Variants in STK32B observed in about 807,000 individuals in gnomAD.
STK32B encodes serine/threonine-protein kinase 32B.
STK32B carries 43 observed loss-of-function variants against 52.6 expected under a neutral mutation model. The observed-to-expected ratio is 0.82, with a 90% confidence interval of 0.64 to 1.05. The LOEUF (loss-of-function observed/expected upper bound fraction) is 1.05, where lower values mean the gene tolerates loss of function less well. Ranked by LOEUF, STK32B falls within the 50% of genes least tolerant of loss-of-function variation. The pLI is 0.00. For missense variants in STK32B, 621 were observed against 534.6 expected (o/e 1.16, Z -1.59); for synonymous variants, 238 against 204.3 (o/e 1.17, Z -1.41).
chr4:5,378,624 A>G lies in STK32B; in HGVS notation c.435-19583A>G, dbSNP rs1735730948. ...CCCTTTTTTTCTAATTTTTATGGGTACATAGTAGGTGTGTATATGTATGGG... is the reference window on the plus strand; with the variant it reads ...CCCTTTTTTTCTAATTTTTATGGGTGCATAGTAGGTGTGTATATGTATGGG... On this transcript the variant is annotated intron_variant, in intron 4 of 11. Coordinates refer to ENST00000282908, the MANE Select transcript of STK32B (RefSeq NM_018401.3). This position sits in a 1 kb window ranked among gnomAD's most constrained non-coding sequence, Gnocchi z 4.4. Among the ~76,000 whole-genome samples, 1 of 151,968 alleles carries G rather than the reference A, an allele frequency of 6.6e-6. No individual in the cohort carries two copies. Among genetic ancestry groups the G allele is most frequent in the Non-Finnish European group, 1.5e-5 (1 of 67,998 alleles).
At chr4:5,436,614 A>C in intron 6 of STK32B, 27 of 985,426 alleles carry the variant, frequency 2.7e-5, no homozygotes, top group Non-Finnish European at 3.3e-5. Context: ...AGGGAAAACA[A>C]GCATCAGAAC....
chr4:5,265,148 C>T (rs1047354142), intron 3 of STK32B, among the ~76,000 whole-genome samples: 8 of 152,134 alleles, frequency 5.3e-5, no homozygotes, highest in African/African-American at 1.4e-4. Flanking sequence ...ATCAGTTGTT[C>T]CAGTCCTAAA....
chr4:5,482,083 C>CAT lies in STK32B; in HGVS notation c.1106+14016_1106+14017dup, dbSNP rs1718762732. On this transcript the variant is annotated intron_variant, in intron 11 of 11. Coordinates refer to ENST00000282908, the MANE Select transcript of STK32B (RefSeq NM_018401.3). ...GGCAATGTGGGCTCTATTTTGGTTC[C>CAT]ATATGAACTTTAAAGTAGTTTTTTC... is the stretch of plus-strand genomic sequence containing the variant. Among the ~76,000 whole-genome samples, 5 of 152,216 alleles carry CAT rather than the reference C, an allele frequency of 3.3e-5. No homozygotes were observed. In the South Asian group the frequency reaches 1.0e-3, roughly 32 times the overall value.
At chr4:5,312,748 C>A (rs1046259308) in intron 3 of STK32B, among the ~76,000 whole-genome samples, 12 of 150,020 alleles carry the variant, frequency 8.0e-5, no homozygotes, top group South Asian at 2.1e-4. Flanking sequence ...AATAAACATA[C>A]GTGTGCATGT....
intron 3 of STK32B, among the ~76,000 whole-genome samples, chr4:5,297,604 CTG>C (rs1239457458): frequency 2.7e-5 from 4 of 147,284 alleles, no homozygotes; most frequent in African/African-American, 9.9e-5. Flanking sequence ...AGTTCTCGTG[CTG>C]TGTTTTTCAG....
intron 3 of STK32B, among the ~76,000 whole-genome samples, chr4:5,284,479 G>A (rs184718544): frequency 6.6e-6 from 1 of 152,064 alleles, no homozygotes; most frequent in East Asian, 1.9e-4. Context: ...GGTTTTTTTT[G>A]TCTTATCAAT....
At chr4:5,051,183 C>T (rs1741756955), upstream of STK32B, among the ~76,000 whole-genome samples, 1 of 152,112 alleles carries the variant, frequency 6.6e-6, no homozygotes, top group Admixed American at 6.5e-5. Flanking sequence ...AACCACAGAC[C>T]TAAGAGCCCC....
At chr4:5,292,883 C>A (rs1444768375) in intron 3 of STK32B, among the ~76,000 whole-genome samples, 1 of 151,994 alleles carries the variant, frequency 6.6e-6, no homozygotes, top group African/African-American at 2.4e-5. Flanking sequence ...ATCAACCTGT[C>A]AGCTAGGTTT....
intron 8 of STK32B, among the ~76,000 whole-genome samples, chr4:5,457,538 C>T (rs1716659259): frequency 6.6e-6 from 1 of 151,252 alleles, no homozygotes; most frequent in South Asian, 2.1e-4. Flanking sequence ...TTTAAATCTG[C>T]TGCACATGGT....
chr4:5,427,117 G>A (rs1279925468), intron 6 of STK32B: 1 of 152,154 alleles, frequency 6.6e-6, no homozygotes, highest in African/African-American at 2.4e-5. Context: ...AATGCATGTT[G>A]AATTTGGTCA....
intron 3 of STK32B, among the ~76,000 whole-genome samples, chr4:5,282,179 T>C (rs1728242381): frequency 6.6e-6 from 1 of 152,180 alleles, no homozygotes; most frequent in African/African-American, 2.4e-5. Flanking sequence ...CCAAAACCCC[T>C]AGCAGATACC....
chr4:5,036,742 A>G, the STK32B span, among the ~76,000 whole-genome samples: 1 of 131,366 alleles, frequency 7.6e-6, no homozygotes, highest in African/African-American at 3.0e-5. Flanking sequence ...ATCTTGGCTC[A>G]CTGCAACCTC....
intron 3 of STK32B, among the ~76,000 whole-genome samples, chr4:5,324,775 G>A (rs953967190): frequency 6.6e-6 from 1 of 152,224 alleles, no homozygotes; most frequent in African/African-American, 2.4e-5. Flanking sequence ...TGGTACACCA[G>A]GAATAAGGAA....
At chr4:5,494,934 C>T (rs1380257414) in intron 11 of STK32B, among the ~76,000 whole-genome samples, 2 of 152,178 alleles carry the variant, frequency 1.3e-5, no homozygotes, top group African/African-American at 4.8e-5. Flanking sequence ...AGAGTTTCTG[C>T]CTAGCGATCA....
chr4:5,457,608 C>T (rs975213241), intron 8 of STK32B, among the ~76,000 whole-genome samples: 2 of 148,464 alleles, frequency 1.3e-5, no homozygotes, highest in African/African-American at 2.5e-5. Flanking sequence ...TGTCTCACGC[C>T]TGTAATTCCA....
the STK32B span, among the ~76,000 whole-genome samples, chr4:5,021,205 C>T: frequency 5.9e-5 from 9 of 152,208 alleles, no homozygotes; most frequent in East Asian, 5.8e-4. Flanking sequence ...TCACGCTGGG[C>T]GATGTCTGAG....
intron 6 of STK32B, among the ~76,000 whole-genome samples, chr4:5,420,946 C>T (rs1361639400): frequency 6.6e-6 from 1 of 152,138 alleles, no homozygotes; most frequent in Non-Finnish European, 1.5e-5. Flanking sequence ...GTCACCCAAG[C>T]TAGAGTATAA....
At chr4:5,473,207 T>C (rs1197803704) in intron 11 of STK32B, among the ~76,000 whole-genome samples, 1 of 152,238 alleles carries the variant, frequency 6.6e-6, no homozygotes, top group Non-Finnish European at 1.5e-5. Context: ...AGATGTTTAT[T>C]GAGCATCTCC....
chr4:5,344,170 A>T (rs1294350476), intron 4 of STK32B, among the ~76,000 whole-genome samples: 1 of 152,190 alleles, frequency 6.6e-6, no homozygotes, highest in Admixed American at 6.5e-5. Flanking sequence ...TCCAATTCAG[A>T]GTCACATAAA....
Sources: allele counts gnomAD v4.1 joint callset (sites outside exome capture counted in the v4.1 genomes callset), GRCh38; gene constraint gnomAD v4.1.1; non-coding constraint Gnocchi (gnomAD v3.1); transcripts MANE v1.5; gene names NCBI Gene and HGNC (gene_info 2026-07-23, HGNC 2026-07-21).